PPM1H: variants seen among roughly 807,000 people sequenced by gnomAD.
The protein encoded by PPM1H is protein phosphatase, Mg2+/Mn2+ dependent 1H, also known as protein phosphatase 1H.
PPM1H carries 27 observed loss-of-function variants against 54.9 expected under a neutral mutation model. The observed-to-expected ratio is 0.49, with a 90% CI of 0.36 to 0.68. PPM1H has a LOEUF of 0.68. Among genes scored for constraint, PPM1H ranks in the 30% least tolerant of loss-of-function variants. The probability of loss-of-function intolerance (pLI) is 0.00; values close to 1 mark genes in which losing one functional copy is unlikely to be tolerated. For synonymous variants in PPM1H, 305 were observed against 270.8 expected (o/e 1.13, Z -1.24); for missense variants, 596 against 667.8 (o/e 0.89, Z 1.19).
chr12:62,702,880 G>A (rs1178188981), intron 6 of PPM1H, among the ~76,000 whole-genome samples: 2 of 152,194 alleles, frequency 1.3e-5, no homozygotes, highest in African/African-American at 4.8e-5. Flanking sequence ...AAGCACACCA[G>A]GCTTGGGGTC....
chr12:62,664,674 GACC>G (rs1170427433), intron 9 of PPM1H, among the ~76,000 whole-genome samples: 6 of 152,110 alleles, frequency 3.9e-5, no homozygotes, highest in African/African-American at 7.2e-5. Flanking sequence ...ATTTAAATAT[GACC>G]ACATGTTTAC....
intron 2 of PPM1H, among the ~76,000 whole-genome samples, chr12:62,820,021 C>T (rs577046341): frequency 3.8e-4 from 58 of 152,328 alleles, no homozygotes; most frequent in African/African-American, 1.3e-3. Flanking sequence ...CTTTCCCAGC[C>T]AAGGGAATCC....
At chr12:62,770,548 C>CTT (rs5798658) in intron 4 of PPM1H, among the ~76,000 whole-genome samples, 30 of 149,830 alleles carry the variant, frequency 2.0e-4, no homozygotes, top group African/African-American at 6.6e-4. Context: ...TATAATACAG[C>CTT]TTTTTTTTTT....
intron 8 of PPM1H, among the ~76,000 whole-genome samples, chr12:62,669,039 G>A (rs753750159): frequency 3.3e-5 from 5 of 152,232 alleles, no homozygotes; most frequent in Non-Finnish European, 7.3e-5. Context: ...TAATGGCCCA[G>A]CACATGAGCT....
intron 1 of PPM1H, among the ~76,000 whole-genome samples, chr12:62,915,337 G>A (rs983235317): frequency 3.3e-5 from 5 of 152,204 alleles, no homozygotes; most frequent in Non-Finnish European, 4.4e-5. Flanking sequence ...CCTCACGCGC[G>A]ACCTTCAGGA....
chr12:62,684,473 T>A (rs1348596150), intron 8 of PPM1H, among the ~76,000 whole-genome samples: 1 of 151,662 alleles, frequency 6.6e-6, no homozygotes, highest in African/African-American at 2.4e-5. Flanking sequence ...TCTTTTTTTT[T>A]AACATAAATT....
At chr12:62,848,011 G>A (rs1869039329) in intron 1 of PPM1H, among the ~76,000 whole-genome samples, 2 of 152,166 alleles carry the variant, frequency 1.3e-5, no homozygotes. Flanking sequence ...TAAGAAATGA[G>A]TTCTCAATGG....
At chr12:62,820,234 A>T (rs1037360586) in intron 2 of PPM1H, among the ~76,000 whole-genome samples, 3 of 152,246 alleles carry the variant, frequency 2.0e-5, no homozygotes, top group Non-Finnish European at 4.4e-5. Context: ...TTGAGTAGGT[A>T]AACAAAGCGG....
rs1377507991 is a variant in PPM1H, at chr12:62,844,155, C to G, written c.246-11876G>C. ...AGCGCAGTGCAAAGCTTAAGAACAG[C>G]CACCTGGGCAGCACACACTCCAAAT... On this transcript the variant is annotated intron_variant, in intron 1 of 9. Transcript: ENST00000228705. This position sits in a 1 kb window ranked among gnomAD's most constrained non-coding sequence, Gnocchi z 5.2. Among the ~76,000 whole-genome samples the G allele has an allele frequency of 6.6e-6, 1 of 152,184 alleles. No homozygotes were observed. The highest frequency in any genetic ancestry group is 1.9e-4 in the East Asian group (1 of 5,198).
intron 4 of PPM1H, among the ~76,000 whole-genome samples, chr12:62,787,879 C>T (rs1460067861): frequency 6.6e-6 from 1 of 152,148 alleles, no homozygotes; most frequent in African/African-American, 2.4e-5. Context: ...GGAGTCATCC[C>T]AGGCCCCCTT....
intron 2 of PPM1H, among the ~76,000 whole-genome samples, chr12:62,808,200 G>A (rs188095922): frequency 6.6e-6 from 1 of 152,210 alleles, no homozygotes; most frequent in South Asian, 2.1e-4. Context: ...ATATGAACTC[G>A]TTTAATCCTT....
intron 1 of PPM1H, among the ~76,000 whole-genome samples, chr12:62,919,747 C>T (rs561795100): frequency 3.0e-4 from 45 of 152,156 alleles, no homozygotes; most frequent in Non-Finnish European, 5.9e-4. Context: ...CCTCATGGAG[C>T]CCAGAACCAG....
intron 6 of PPM1H, among the ~76,000 whole-genome samples, chr12:62,714,313 C>T (rs912432543): frequency 6.6e-6 from 1 of 152,144 alleles, no homozygotes; most frequent in Non-Finnish European, 1.5e-5. Context: ...TTTCTCTTTG[C>T]CTCAATAAAA....
intron 4 of PPM1H, among the ~76,000 whole-genome samples, chr12:62,787,692 A>G (rs1031817471): frequency 3.9e-5 from 6 of 152,224 alleles, no homozygotes; most frequent in African/African-American, 7.2e-5. Flanking sequence ...ACATAAATGT[A>G]TCTTATTCCC....
chr12:62,760,341 C>T (rs1324165703), intron 4 of PPM1H, among the ~76,000 whole-genome samples: 1 of 152,126 alleles, frequency 6.6e-6, no homozygotes, highest in African/African-American at 2.4e-5. Flanking sequence ...CAGTCCCAAC[C>T]CCAAGTGTCA....
At chr12:62,707,425 A>G (rs899555749) in intron 6 of PPM1H, among the ~76,000 whole-genome samples, 24 of 152,302 alleles carry the variant, frequency 1.6e-4, no homozygotes, top group African/African-American at 5.8e-4. Flanking sequence ...GACCACCAGC[A>G]GCCCAGGAGT....
intron 1 of PPM1H, among the ~76,000 whole-genome samples, chr12:62,851,374 TA>T (rs1869181664): frequency 6.6e-6 from 1 of 152,162 alleles, no homozygotes; most frequent in Non-Finnish European, 1.5e-5. Context: ...AAGAAATCCC[TA>T]AATCTACAGT....
intron 4 of PPM1H, chr12:62,756,165 T>C: frequency 1.2e-6 from 1 of 846,262 alleles, no homozygotes; most frequent in Non-Finnish European, 2.0e-6. Context: ...CATTTCCTGG[T>C]ATGACAATGA....
intron 4 of PPM1H, among the ~76,000 whole-genome samples, chr12:62,774,369 T>C (rs1360059921): frequency 6.6e-6 from 1 of 151,758 alleles, no homozygotes; most frequent in Non-Finnish European, 1.5e-5. Flanking sequence ...CTTTCCTTTT[T>C]TGAGATATTT....
Sources: allele counts gnomAD v4.1 joint callset (sites outside exome capture counted in the v4.1 genomes callset), GRCh38; gene constraint gnomAD v4.1.1; non-coding constraint Gnocchi (gnomAD v3.1); transcripts MANE v1.5; gene names NCBI Gene and HGNC (gene_info 2026-07-23, HGNC 2026-07-21).